Variants in KCNQ5 observed in about 807,000 individuals in gnomAD.
KCNQ5 encodes potassium voltage-gated channel subfamily Q member 5.
Under a neutral mutation model 98.2 loss-of-function variants are expected in KCNQ5, and 30 were observed. The observed-to-expected ratio is 0.31, with a 90% CI of 0.23 to 0.41. The LOEUF is 0.41. KCNQ5 is among the 10% of genes least tolerant of loss of function. KCNQ5 has a pLI of 1.00. For synonymous variants in KCNQ5, 458 were observed against 449.4 expected (o/e 1.02, Z -0.24); for missense variants, 835 against 1,182.5 (o/e 0.71, Z 4.31).
intron 5 of KCNQ5, among the ~76,000 whole-genome samples, chr6:73,104,504 C>T (rs544569439): frequency 6.6e-6 from 1 of 152,298 alleles, no homozygotes; most frequent in African/African-American, 2.4e-5. Flanking sequence ...ACAACTCATA[C>T]TTTTCAGAAT....
intron 1 of KCNQ5, among the ~76,000 whole-genome samples, chr6:72,862,603 C>T (rs1777815603): frequency 6.6e-6 from 1 of 152,054 alleles, no homozygotes; most frequent in Admixed American, 6.5e-5. Flanking sequence ...GGGAAAAAAC[C>T]TAGCCAATGT....
intron 5 of KCNQ5, among the ~76,000 whole-genome samples, chr6:73,081,683 C>T (rs961158812): frequency 6.6e-6 from 1 of 151,974 alleles, no homozygotes; most frequent in Non-Finnish European, 1.5e-5. Context: ...AAAATCAGGT[C>T]AATAAATATT....
At chr6:73,174,343 T>A (rs1039832010) in intron 11 of KCNQ5, among the ~76,000 whole-genome samples, 1 of 152,192 alleles carries the variant, frequency 6.6e-6, no homozygotes, top group Non-Finnish European at 1.5e-5. Context: ...GTGAAACCTG[T>A]TCTTTTTGTG....
chr6:72,836,134 G>T (rs549949542), intron 1 of KCNQ5, among the ~76,000 whole-genome samples: 4 of 152,130 alleles, frequency 2.6e-5, no homozygotes, highest in Non-Finnish European at 5.9e-5. Context: ...GCCCTCATTA[G>T]CTTCCTCACT....
chr6:72,961,581 C>G (rs964640227), intron 1 of KCNQ5, among the ~76,000 whole-genome samples: 19 of 145,012 alleles, frequency 1.3e-4, no homozygotes, highest in African/African-American at 4.9e-4. Context: ...GAGATCGCGC[C>G]ACTGCACTCC....
intron 1 of KCNQ5, among the ~76,000 whole-genome samples, chr6:72,876,213 T>C (rs757189656): frequency 6.6e-6 from 1 of 152,124 alleles, no homozygotes; most frequent in African/African-American, 2.4e-5. Flanking sequence ...AAACCAGTAA[T>C]TTCGTGGATA....
Position 73,123,166 on chromosome 6 carries a change from T to C in KCNQ5, c.1221-1320T>C, listed in dbSNP as rs557063769. On this transcript the variant is annotated intron_variant, in intron 8 of 13. Transcript: ENST00000370398. ...TTAGAATCTCTGGCCTTGGGAAGTA[T>C]GTATTCAAGGGATGTTGGGATAGAC... Among the ~76,000 whole-genome samples the C allele has an allele frequency of 1.4e-3, 193 of 135,272 alleles. 6 individuals are homozygous for C. In the South Asian group the frequency reaches 0.039, roughly 28 times the overall value. The allele number at this position is 135,272 out of a possible 152,430, so 88.7% of individuals were successfully genotyped here.
intron 7 of KCNQ5, among the ~76,000 whole-genome samples, chr6:73,119,363 T>C (rs1235136099): frequency 6.6e-6 from 1 of 152,204 alleles, no homozygotes; most frequent in East Asian, 1.9e-4. Flanking sequence ...TCTGAGCCCT[T>C]TTTTTCTCAC....
intron 7 of KCNQ5, among the ~76,000 whole-genome samples, chr6:73,113,588 A>G (rs1935542): frequency 0.96 from 145,854 of 152,370 alleles, 69,802 homozygotes; most frequent in South Asian, 0.98. Context: ...TACCATACAA[A>G]AGAAATATAG....
At chr6:72,816,080 T>G (rs1775496834) in intron 1 of KCNQ5, among the ~76,000 whole-genome samples, 2 of 144,022 alleles carry the variant, frequency 1.4e-5, no homozygotes, top group African/African-American at 5.8e-5. Flanking sequence ...AAACAGTGAA[T>G]GGCAAGAAAT....
intron 10 of KCNQ5, among the ~76,000 whole-genome samples, chr6:73,161,210 G>A (rs1441812093): frequency 6.6e-6 from 1 of 152,182 alleles, no homozygotes; most frequent in Non-Finnish European, 1.5e-5. Context: ...GCCAGGCACA[G>A]AAAGAAATAG....
At chr6:73,098,938 C>A (rs1438414300) in intron 5 of KCNQ5, among the ~76,000 whole-genome samples, 1 of 152,004 alleles carries the variant, frequency 6.6e-6, no homozygotes, top group Non-Finnish European at 1.5e-5. Flanking sequence ...ACTACAACAG[C>A]TTTTCAAGAT....
intron 5 of KCNQ5, 112 bp downstream of exon 5, chr6:73,077,999 G>A (rs1773603991): frequency 1.2e-6 from 1 of 856,008 alleles, no homozygotes; most frequent in Non-Finnish European, 1.7e-6. Flanking sequence ...TTGCGAAAGA[G>A]AGTTATATGG....
At chr6:72,642,034 A>G (rs560621290) in intron 1 of KCNQ5, among the ~76,000 whole-genome samples, 13 of 151,292 alleles carry the variant, frequency 8.6e-5, no homozygotes, top group Non-Finnish European at 1.9e-4. Flanking sequence ...TACTTCGTTT[A>G]TTACCCAAAC....
chr6:72,957,619 AG>A (rs1554190503), intron 1 of KCNQ5, among the ~76,000 whole-genome samples: 1 of 152,162 alleles, frequency 6.6e-6, no homozygotes, highest in Non-Finnish European at 1.5e-5. Context: ...GCCACTGGTC[AG>A]GGTGATCTCC....
At chr6:72,952,061 A>AG (rs1766832335) in intron 1 of KCNQ5, among the ~76,000 whole-genome samples, 1 of 152,206 alleles carries the variant, frequency 6.6e-6, no homozygotes, top group African/African-American at 2.4e-5. Context: ...GGGGAAAAAA[A>AG]TGGCCATTGT....
intron 3 of KCNQ5, chr6:73,055,777 C>T (rs1772459351): frequency 1.1e-5 from 10 of 930,962 alleles, no homozygotes. Flanking sequence ...TCAAGCCCAG[C>T]CCACGCAGTT....
intron 10 of KCNQ5, among the ~76,000 whole-genome samples, chr6:73,138,307 A>G (rs73454732): frequency 0.072 from 10,912 of 152,262 alleles, 1,223 homozygotes; most frequent in African/African-American, 0.24. Flanking sequence ...CAAAATCCAC[A>G]AGAATGATAC....
At chr6:73,128,196 T>A (rs1281284769) in intron 9 of KCNQ5, among the ~76,000 whole-genome samples, 2 of 152,268 alleles carry the variant, frequency 1.3e-5, no homozygotes, top group African/African-American at 4.8e-5. Context: ...AAATTACTGT[T>A]AGTCTCAACT....
Sources: allele counts gnomAD v4.1 joint callset (sites outside exome capture counted in the v4.1 genomes callset), GRCh38; gene constraint gnomAD v4.1.1; transcripts MANE v1.5; gene names NCBI Gene and HGNC (gene_info 2026-07-23, HGNC 2026-07-21).